Variants in GLP2R observed in about 807,000 individuals in gnomAD.
GLP2R encodes glucagon like peptide 2 receptor.
GLP2R carries 59 observed loss-of-function variants against 68.2 expected under a neutral mutation model. The observed-to-expected ratio is 0.87, with a 90% confidence interval of 0.70 to 1.07. The LOEUF (loss-of-function observed/expected upper bound fraction) is 1.07, where lower values mean the gene tolerates loss of function less well. Ranked by LOEUF, GLP2R falls within the 50% of genes least tolerant of loss-of-function variation. The pLI is 0.00. For synonymous variants in GLP2R, 270 were observed against 265.4 expected (o/e 1.02, Z -0.17); for missense variants, 548 against 677.4 (o/e 0.81, Z 2.12).
rs1314671060 is a variant in GLP2R, at chr17:9,866,579, G to A, written c.1057-4168G>A. ...CAGCCCAGACTTACCCAGACTGATG[G>A]AATCAAATCTCCTGCCATGTAGAGC... On this transcript the variant is annotated intron_variant, in intron 9 of 12. Coordinates refer to ENST00000262441, the MANE Select transcript of GLP2R (RefSeq NM_004246.3). The A allele has an allele frequency of 7.2e-5, 11 of 152,390 alleles. No homozygotes were observed. The East Asian group carries it at 1.9e-3, about 27-fold the overall frequency. 9.4% of individuals were successfully genotyped at this position (152,390 alleles called of 1,614,324 possible). A position where few individuals can be genotyped will look rare whatever the true frequency, so the allele number is the denominator to read the frequency against.
intron 2 of GLP2R, among the ~76,000 whole-genome samples, chr17:9,834,286 CAT>C (rs1454551385): frequency 3.9e-5 from 6 of 152,140 alleles, no homozygotes; most frequent in East Asian, 3.9e-4. Context: ...TGTAAGGAAA[CAT>C]ATGAAACCAC....
At chr17:9,862,840 G>A (rs61082037) in intron 9 of GLP2R, among the ~76,000 whole-genome samples, 1,836 of 152,294 alleles carry the variant, frequency 0.012, 40 homozygotes, top group African/African-American at 0.042. Context: ...TGCCCACCCT[G>A]TTCCCCAAGG....
chr17:9,854,761 A>G (rs1043199034), intron 5 of GLP2R, among the ~76,000 whole-genome samples, 160 bp downstream of exon 5: 5 of 152,184 alleles, frequency 3.3e-5, no homozygotes, highest in African/African-American at 1.2e-4. Context: ...GTTTGGTTCT[A>G]TCTCCATGTT....
chr17:9,838,217 C>G (rs2066751621), intron 3 of GLP2R, among the ~76,000 whole-genome samples: 1 of 152,182 alleles, frequency 6.6e-6, no homozygotes, highest in Non-Finnish European at 1.5e-5. Context: ...AGGTCAGACC[C>G]AGTCCCTCTG....
In GLP2R at chr17:9,887,902, A is replaced by AT. The variant is rs200939117; in HGVS notation, c.1285-26dup. 4,312 of 1,587,194 alleles carry AT rather than the reference A, an allele frequency of 2.7e-3. 121 individuals are homozygous for AT. In the African/African-American group the frequency reaches 0.052, roughly 19 times the overall value. On this transcript the variant is annotated intron_variant, in intron 11 of 12. Coordinates refer to ENST00000262441, the MANE Select transcript of GLP2R (RefSeq NM_004246.3). ...TCAGACACATCTTCTCCGGAGTCAG[A>AT]TTTTATGCCATGTCCTCCTTTTGTT...
chr17:9,861,902 G>C, intron 8 of GLP2R, 119 bp from the exon 9 acceptor site: 2 of 759,610 alleles, frequency 2.6e-6, no homozygotes, highest in Non-Finnish European at 4.8e-6. Context: ...TCAGGGGACT[G>C]ATTGGTGGGA....
Position 9,836,461 on chromosome 17 carries a change from C to G in GLP2R, c.368C>G (p.Pro123Arg). The G allele has an allele frequency of 6.3e-7, 1 of 1,596,418 alleles. No individual in the cohort carries two copies. The highest frequency in any genetic ancestry group is 8.6e-7 in the Non-Finnish European group (1 of 1,163,816). ...TCTGTACCCTGCCCTTCATACTTACCTTGGTGGAGTGAAGGTAATAAGTCT... is the reference window on the plus strand; with the variant it reads ...TCTGTACCCTGCCCTTCATACTTACGTTGGTGGAGTGAAGGTAATAAGTCT... ...NVSVPCPSYL[P>R]WWSEESSGRA... Residue 123 changes from proline to arginine, a missense_variant, in exon 3 of 13, where the codon CCT becomes CGT. By Grantham distance (103) the Pro-to-Arg change is moderately radical (BLOSUM62 -2). Coordinates refer to ENST00000262441, the MANE Select transcript of GLP2R (RefSeq NM_004246.3).
intron 5 of GLP2R, among the ~76,000 whole-genome samples, 176 bp downstream of exon 5, chr17:9,854,777 C>T (rs2066921073): frequency 6.6e-6 from 1 of 152,080 alleles, no homozygotes; most frequent in Admixed American, 6.5e-5. Flanking sequence ...ATGTTTTTTC[C>T]TATACATACA....
At chr17:9,860,850 A>T (rs917351739) in intron 7 of GLP2R, among the ~76,000 whole-genome samples, 1 of 152,180 alleles carries the variant, frequency 6.6e-6, no homozygotes, top group Admixed American at 6.5e-5. Flanking sequence ...AGAGGAAATA[A>T]CCTGGGCCAG....
At chr17:9,832,098 C>G (rs1226105727) in intron 1 of GLP2R, among the ~76,000 whole-genome samples, 3 of 152,132 alleles carry the variant, frequency 2.0e-5, no homozygotes, top group Non-Finnish European at 2.9e-5. Flanking sequence ...CAAGGCCTGG[C>G]CCACAATAGG....
At chr17:9,871,301 C>G (rs2067090407) in intron 10 of GLP2R, among the ~76,000 whole-genome samples, 1 of 150,892 alleles carries the variant, frequency 6.6e-6, no homozygotes, top group South Asian at 2.1e-4. Context: ...CTGCAGTGAG[C>G]CATGATTGTG....
At chr17:9,850,309 A>G (rs2066879793) in intron 4 of GLP2R, among the ~76,000 whole-genome samples, 1 of 152,196 alleles carries the variant, frequency 6.6e-6, no homozygotes, top group Non-Finnish European at 1.5e-5. Flanking sequence ...AAAAAGTACA[A>G]TTAAACCAAC....
Position 9,887,946 on chromosome 17 carries a change from C to A in GLP2R, c.1299C>A (p.Ala433=), listed in dbSNP as rs765766404. The A allele has an allele frequency of 6.2e-7, 1 of 1,612,542 alleles. No homozygotes were observed. Among genetic ancestry groups the A allele is most frequent in the Non-Finnish European group, 8.5e-7 (1 of 1,178,600 alleles). ...TLSSFHGFLV[A]LQYGFANGEV... Reference sequence around the variant, plus strand: ...TTTTGTTTCAGGGGTTCCTGGTGGCCTTGCAGTATGGTTTTGCCAATGGAG... The same window carrying A: ...TTTTGTTTCAGGGGTTCCTGGTGGCATTGCAGTATGGTTTTGCCAATGGAG... The change falls in exon 12 of 13, where the codon GCC becomes GCA. Residue 433 remains alanine (A), a synonymous_variant. Transcript: ENST00000262441.
intron 1 of GLP2R, among the ~76,000 whole-genome samples, chr17:9,828,388 T>G (rs1183942531): frequency 6.6e-6 from 1 of 152,240 alleles, no homozygotes; most frequent in South Asian, 2.1e-4. Context: ...TCATCCTTGC[T>G]TCCATTCTCT....
At position 9,860,102 on chromosome 17, in the gene GLP2R, G is replaced by T. The variant is rs752252099; in HGVS notation, c.925+1G>T. The T allele has an allele frequency of 3.1e-6, 5 of 1,596,116 alleles. No homozygotes were observed. On this transcript the variant is annotated splice_donor_variant, in intron 7 of 12. Coordinates refer to ENST00000262441, the MANE Select transcript of GLP2R (RefSeq NM_004246.3). LOFTEE classifies it high-confidence loss of function. ...CCCAGATACCTGCTGTTGGGTTGGG[G>T]TGAGTGACCTGACCTTCAGCTTCCT...
intron 4 of GLP2R, 33 bp from the exon 5 acceptor site, chr17:9,854,462 T>C (rs2066917728): frequency 1.8e-5 from 23 of 1,309,114 alleles, no homozygotes; most frequent in Non-Finnish European, 2.6e-5. Context: ...CCCCATGGCT[T>C]AGTGGTCATG....
chr17:9,871,256 A>AG (rs968049647), intron 10 of GLP2R, among the ~76,000 whole-genome samples: 13 of 151,684 alleles, frequency 8.6e-5, no homozygotes, highest in Admixed American at 1.3e-4. Context: ...TCCCAGGCTA[A>AG]GGTGAGGGGC....
chr17:9,887,269 T>C (rs1391408013), intron 11 of GLP2R, among the ~76,000 whole-genome samples: 3 of 150,388 alleles, frequency 2.0e-5, no homozygotes, highest in Admixed American at 2.0e-4. Context: ...GGCTCATGCC[T>C]GTAATCCCTG....
At chr17:9,869,683 G>C (rs1392661142) in intron 9 of GLP2R, among the ~76,000 whole-genome samples, 1 of 152,222 alleles carries the variant, frequency 6.6e-6, no homozygotes, top group African/African-American at 2.4e-5. Flanking sequence ...GGCTGCTTGA[G>C]TGTCTTCACA....
Sources: gnomAD v4.1 joint callset for allele counts (sites outside exome capture counted in the v4.1 genomes callset) on GRCh38, gnomAD v4.1.1 for gene constraint, MANE v1.5 for transcripts, NCBI Gene and HGNC (gene_info 2026-07-23, HGNC 2026-07-21) for gene names.